The following NR3C2 variants were observed in gnomAD, a reference collection of about 807,000 sequenced individuals.
NR3C2 encodes the protein nuclear receptor subfamily 3 group C member 2, also known as mineralocorticoid receptor.
NR3C2 carries 15 observed loss-of-function variants against 86.4 expected under a neutral mutation model. The observed-to-expected ratio is 0.17, with a 90% CI of 0.12 to 0.27. The LOEUF is 0.27. Ranked by LOEUF, NR3C2 falls within the 10% of genes least tolerant of loss-of-function variation. NR3C2 has a pLI of 1.00. For synonymous variants in NR3C2, 458 were observed against 450.5 expected (o/e 1.02, Z -0.21); for missense variants, 960 against 1,195.6 (o/e 0.80, Z 2.91).
chr4:148,120,714 C>G (rs1202832510), intron 6 of NR3C2, among the ~76,000 whole-genome samples: 1 of 152,192 alleles, frequency 6.6e-6, no homozygotes, highest in Non-Finnish European at 1.5e-5. Context: ...ATGCTACGAA[C>G]ATAGGATGGG....
intron 2 of NR3C2, among the ~76,000 whole-genome samples, chr4:148,318,658 G>C (rs1165342024): frequency 1.3e-5 from 2 of 152,152 alleles, no homozygotes; most frequent in Admixed American, 1.3e-4. Context: ...GTGTTTTTTG[G>C]CTGTATAAAT....
At chr4:148,427,792 C>A (rs1189490786) in intron 2 of NR3C2, among the ~76,000 whole-genome samples, 2 of 152,032 alleles carry the variant, frequency 1.3e-5, no homozygotes, top group South Asian at 4.1e-4. Flanking sequence ...CAAGGATGTG[C>A]TCAAGGAATG....
chr4:148,172,733 A>G (rs1177752045), intron 4 of NR3C2, among the ~76,000 whole-genome samples: 1 of 152,214 alleles, frequency 6.6e-6, no homozygotes, highest in African/African-American at 2.4e-5. Flanking sequence ...GAGAAAGACA[A>G]AAGGACAATT....
At chr4:148,144,227 C>T in intron 6 of NR3C2, among the ~76,000 whole-genome samples, 1 of 152,034 alleles carries the variant, frequency 6.6e-6, no homozygotes, top group Non-Finnish European at 1.5e-5. Flanking sequence ...CTTTTTGAGA[C>T]AGGGTCTTGC....
intron 2 of NR3C2, among the ~76,000 whole-genome samples, chr4:148,397,353 A>C (rs552905576): frequency 1.3e-5 from 2 of 152,326 alleles, no homozygotes; most frequent in African/African-American, 4.8e-5. Flanking sequence ...AGCCTTGTGC[A>C]GTGAAAATAG....
Position 148,436,047 on chromosome 4 carries a change from T to G in NR3C2, c.814A>C (p.Ile272Leu), listed in dbSNP as rs1236633131. 6.2e-7 allele frequency: 1 copy of G among 1,613,984 alleles called. No homozygotes were observed. Among genetic ancestry groups the G allele is most frequent in the South Asian group, 1.1e-5 (1 of 91,060 alleles). ...CTGCAGTGACTTGGAGGGCTGGAAA[T>G]TGAGGATTTCATGCTACTTAACGGA... ...SSPLSSMKSS[I>L]SSPPSHCSVK... The change falls in exon 2 of 9, where the codon ATT (isoleucine) becomes CTT (leucine). Residue 272 changes from isoleucine to leucine, a missense_variant. Around this residue, in one of 4 missense-constraint regions of NR3C2, gnomAD observed 680 missense variants for 719.0 expected, o/e 0.95. Transcript: ENST00000358102.
rs188700267 is a variant in NR3C2 at position 148,218,360 on chromosome 4, G to C, written c.1898-23498C>G. Among the ~76,000 whole-genome samples the C allele has an allele frequency of 5.2e-3, 792 of 152,244 alleles. 25 individuals carry two copies. Among genetic ancestry groups the C allele is most frequent in the Non-Finnish European group, 1.6e-3 (111 of 68,014 alleles). ...ATAGTCTATCATATAAATGATGAAGGAGTCTGCAAAATCATAGGAAATGCT... is the reference window on the plus strand; with the variant it reads ...ATAGTCTATCATATAAATGATGAAGCAGTCTGCAAAATCATAGGAAATGCT... On this transcript the variant is annotated intron_variant, in intron 3 of 8. Transcript: ENST00000358102.
chr4:148,270,448 C>G (rs1740624236), intron 2 of NR3C2, among the ~76,000 whole-genome samples: 1 of 152,150 alleles, frequency 6.6e-6, no homozygotes, highest in East Asian at 1.9e-4. Flanking sequence ...TTTACAGAAG[C>G]TCATTCTAAA....
At chr4:148,425,064 A>G (rs1749462057) in intron 2 of NR3C2, among the ~76,000 whole-genome samples, 1 of 152,266 alleles carries the variant, frequency 6.6e-6, no homozygotes, top group African/African-American at 2.4e-5. Flanking sequence ...ATATGCTGAC[A>G]GAAGTCAAAA....
At chr4:148,173,872 C>T (rs768796765) in intron 4 of NR3C2, among the ~76,000 whole-genome samples, 24 of 152,090 alleles carry the variant, frequency 1.6e-4, no homozygotes, top group African/African-American at 2.7e-4. Flanking sequence ...GAGGAGCCCC[C>T]GACTGTGTGG....
At chr4:148,357,043 C>A (rs1745582747) in intron 2 of NR3C2, among the ~76,000 whole-genome samples, 1 of 152,016 alleles carries the variant, frequency 6.6e-6, no homozygotes, top group Admixed American at 6.6e-5. Context: ...GTGACAATTT[C>A]ATATAGGTTG....
chr4:148,219,569 T>C (rs1204605370), intron 3 of NR3C2, among the ~76,000 whole-genome samples: 1 of 152,174 alleles, frequency 6.6e-6, no homozygotes, highest in Non-Finnish European at 1.5e-5. Context: ...ACAATAGAGT[T>C]TTCTAGTGGC....
chr4:148,113,591 AG>A (rs1266687057), intron 8 of NR3C2, among the ~76,000 whole-genome samples: 1 of 152,194 alleles, frequency 6.6e-6, no homozygotes, highest in Non-Finnish European at 1.5e-5. Flanking sequence ...TTCTTCCCAA[AG>A]CCCTGTGTAT....
At chr4:148,403,541 C>T (rs1748269594) in intron 2 of NR3C2, among the ~76,000 whole-genome samples, 1 of 152,008 alleles carries the variant, frequency 6.6e-6, no homozygotes, top group African/African-American at 2.4e-5. Context: ...CATAATGTAA[C>T]TTGATTTTAT....
At chr4:148,384,008 C>A (rs1747138373) in intron 2 of NR3C2, among the ~76,000 whole-genome samples, 1 of 147,892 alleles carries the variant, frequency 6.8e-6, no homozygotes, top group African/African-American at 2.5e-5. Context: ...TAAGGAACTA[C>A]ACATTTAGTA....
At chr4:148,318,739 T>A (rs1010671932) in intron 2 of NR3C2, among the ~76,000 whole-genome samples, 2 of 152,316 alleles carry the variant, frequency 1.3e-5, no homozygotes, top group Admixed American at 1.3e-4. Context: ...TTTTTTCTTG[T>A]AAATTTGTTT....
In NR3C2 at chr4:148,194,807, T is replaced by C. The variant is rs72653855; in HGVS notation, c.1953A>G (p.Arg651=). The C allele has an allele frequency of 7.4e-6, 12 of 1,612,536 alleles. No individual in the cohort carries two copies. The highest frequency in any genetic ancestry group is 1.0e-5 in the Non-Finnish European group (12 of 1,179,858). The change falls in exon 4 of 9, where the codon CGA becomes CGG. Residue 651 remains arginine (R), a synonymous_variant. Coordinates refer to ENST00000358102, the MANE Select transcript of NR3C2 (RefSeq NM_000901.5). ...GTCTGCAAGCAGGACAATTCTTTCG[T>C]CGAATCTTATCAATGATGCAATCAT... The part of the protein sequence containing the change: ...GRNDCIIDKI[R]RKNCPACRLQ...
chr4:148,338,926 A>T (rs983222372), intron 2 of NR3C2, among the ~76,000 whole-genome samples: 3 of 152,236 alleles, frequency 2.0e-5, no homozygotes, highest in African/African-American at 7.2e-5. Context: ...AAACACCTAA[A>T]ATATTTTCAA....
chr4:148,178,931 G>GAAAAAAAAAAAAA (rs1735514113), intron 4 of NR3C2, among the ~76,000 whole-genome samples: 1 of 109,914 alleles, frequency 9.1e-6, no homozygotes, highest in Non-Finnish European at 1.8e-5. Context: ...AAAGAAGCAG[G>GAAAAAAAAAAAAA]TAAAAAAAAA....
Sources: allele counts gnomAD v4.1 joint callset (sites outside exome capture counted in the v4.1 genomes callset), GRCh38; gene constraint gnomAD v4.1.1; regional missense constraint gnomAD v4.1.1; transcripts MANE v1.5; gene names NCBI Gene and HGNC (gene_info 2026-07-23, HGNC 2026-07-21).